THSD7A: variants seen among roughly 807,000 people sequenced by gnomAD.
THSD7A encodes thrombospondin type 1 domain containing 7A.
In THSD7A, 96 loss-of-function variants were observed where a neutral mutation model predicts 231.3. The observed-to-expected ratio is 0.41, with a 90% CI of 0.35 to 0.49. THSD7A has a LOEUF of 0.49. Among genes scored for constraint, THSD7A ranks in the 20% least tolerant of loss-of-function variants. The probability of loss-of-function intolerance (pLI) is 0.05; values close to 1 mark genes in which losing one functional copy is unlikely to be tolerated. For missense variants in THSD7A, 2,290 were observed against 2,070.2 expected (o/e 1.11, Z -2.06); for synonymous variants, 940 against 743.3 (o/e 1.26, Z -4.30).
intron 1 of THSD7A, among the ~76,000 whole-genome samples, chr7:11,684,650 A>G (rs1779970065): frequency 6.6e-6 from 1 of 152,004 alleles, no homozygotes; most frequent in African/African-American, 2.4e-5. Context: ...CATACAAAAA[A>G]TATCTAAAAA....
Position 11,375,689 on chromosome 7 carries a change from TTAAAA to T in THSD7A, c.*100_*104del. The T allele has an allele frequency of 1.1e-6, 1 of 951,858 alleles. No individual in the cohort carries two copies. The highest frequency in any genetic ancestry group is 1.6e-6 in the Non-Finnish European group (1 of 622,598). 59.0% of individuals were successfully genotyped at this position (951,858 alleles called of 1,614,324 possible). ...GTCTTTATGATGCCATTTTTAAAAA[TTAAAA>T]TATATTTTAATCCACACAGTTTGGA... is the stretch of plus-strand genomic sequence containing the variant. On this transcript the variant is annotated 3_prime_UTR_variant, in exon 28 of 28. Coordinates refer to ENST00000423059, the MANE Select transcript of THSD7A (RefSeq NM_015204.3).
intron 4 of THSD7A, among the ~76,000 whole-genome samples, chr7:11,564,376 C>T (rs2128331165): frequency 6.6e-6 from 1 of 152,340 alleles, no homozygotes; most frequent in South Asian, 2.1e-4. Context: ...GCCCACCTTG[C>T]AGCTGGTCTG....
chr7:11,391,011 T>C (rs921754327), intron 23 of THSD7A, among the ~76,000 whole-genome samples: 4 of 152,198 alleles, frequency 2.6e-5, no homozygotes, highest in Non-Finnish European at 5.9e-5. Flanking sequence ...GCCAGAGCTC[T>C]CCTTTATGAA....
At chr7:11,505,486 A>G (rs1583866237) in intron 6 of THSD7A, among the ~76,000 whole-genome samples, 1 of 151,348 alleles carries the variant, frequency 6.6e-6, no homozygotes, top group Non-Finnish European at 1.5e-5. Context: ...AACAGAAGAC[A>G]AAAGAAAGAA....
rs1454651718 is a variant in THSD7A at position 11,446,460 on chromosome 7, C to T, written c.2801-136G>A. The T allele has an allele frequency of 2.3e-5, 24 of 1,038,364 alleles. No homozygotes were observed. The highest frequency in any genetic ancestry group is 3.3e-5 in the Non-Finnish European group (24 of 717,750). 64.3% of individuals were successfully genotyped at this position (1,038,364 alleles called of 1,614,324 possible). On this transcript the variant is annotated intron_variant, in intron 12 of 27. Transcript: ENST00000423059. The surrounding 1 kb of genome is among the most constrained non-coding windows in gnomAD (Gnocchi z 4.0). ...TTTAACAGTAGCCTATAAATCAATG[C>T]TATTTTCTCATTCCACAGTGTTTTC...
intron 1 of THSD7A, among the ~76,000 whole-genome samples, chr7:11,672,679 G>A (rs1021940995): frequency 1.3e-5 from 2 of 152,002 alleles, no homozygotes; most frequent in African/African-American, 4.8e-5. Context: ...CTTTTTGGGA[G>A]CATTTGAATC....
intron 14 of THSD7A, 92 bp downstream of exon 14, chr7:11,428,855 A>G: frequency 7.0e-7 from 1 of 1,430,984 alleles, no homozygotes; most frequent in Non-Finnish European, 9.5e-7. Flanking sequence ...TTTTTATTCA[A>G]TAGCTATTAT....
intron 1 of THSD7A, among the ~76,000 whole-genome samples, chr7:11,719,284 G>A (rs1449613841): frequency 6.6e-6 from 1 of 151,550 alleles, no homozygotes; most frequent in African/African-American, 2.4e-5. Flanking sequence ...CGCCCTTGGA[G>A]TTCTCTCAGG....
chr7:11,769,640 T>G (rs1210168713), intron 1 of THSD7A, among the ~76,000 whole-genome samples: 11 of 152,246 alleles, frequency 7.2e-5, no homozygotes, highest in Non-Finnish European at 2.9e-5. Flanking sequence ...CCCATGTAAT[T>G]TTGTCTCACC....
chr7:11,471,279 A>G (rs1785927812), intron 8 of THSD7A, among the ~76,000 whole-genome samples: 1 of 152,058 alleles, frequency 6.6e-6, no homozygotes, highest in South Asian at 2.1e-4. Flanking sequence ...TTGCTAAAAT[A>G]AATTGGCAGA....
At chr7:11,763,662 GT>G (rs1221268096) in intron 1 of THSD7A, among the ~76,000 whole-genome samples, 4 of 151,952 alleles carry the variant, frequency 2.6e-5, no homozygotes, top group South Asian at 4.2e-4. Context: ...AATTAGGTTA[GT>G]TTTTTTAATC....
chr7:11,786,165 A>T (rs1170921658), intron 1 of THSD7A, among the ~76,000 whole-genome samples: 2 of 150,948 alleles, frequency 1.3e-5, no homozygotes, highest in African/African-American at 5.0e-5. Context: ...CTTTATAGTA[A>T]CTGCTCTCCC....
chr7:11,749,395 G>T (rs1288576763), intron 1 of THSD7A, among the ~76,000 whole-genome samples: 1 of 151,936 alleles, frequency 6.6e-6, no homozygotes, highest in Non-Finnish European at 1.5e-5. Flanking sequence ...TGCAAGGTAA[G>T]CTTCTATCAT....
intron 2 of THSD7A, among the ~76,000 whole-genome samples, chr7:11,625,280 C>CA: frequency 6.6e-6 from 1 of 152,058 alleles, no homozygotes; most frequent in South Asian, 2.1e-4. Context: ...TTTTATTTTT[C>CA]AAAAACTTGC....
intron 1 of THSD7A, among the ~76,000 whole-genome samples, chr7:11,793,659 G>T (rs55668447): frequency 1.3e-5 from 2 of 151,546 alleles, no homozygotes; most frequent in Non-Finnish European, 1.5e-5. Flanking sequence ...GAAATAAGAA[G>T]ATACTTTTTA....
At position 11,407,014 on chromosome 7, in the gene THSD7A, C is replaced by A. The variant is rs1314211557; in HGVS notation, c.3958G>T (p.Gly1320Cys). The A allele has an allele frequency of 6.2e-7, 1 of 1,613,832 alleles. No individual in the cohort carries two copies. The highest frequency in any genetic ancestry group is 8.5e-7 in the Non-Finnish European group (1 of 1,179,842). ...RRRTVTQPFQ[G>C]DGRPCPSLMD... ...AGGGAAGGGCATGGTCTTCCATCAC[C>A]TTGAAAGGGCTGGGTCACTGTTCGT... is the stretch of plus-strand genomic sequence containing the variant. Residue 1320 changes from glycine to cysteine, a missense_variant, in exon 21 of 28, where the codon GGT becomes TGT. By Grantham distance (159) the Gly-to-Cys change is radical. Coordinates refer to ENST00000423059, the MANE Select transcript of THSD7A (RefSeq NM_015204.3).
intron 1 of THSD7A, among the ~76,000 whole-genome samples, chr7:11,780,133 T>G (rs1376877609): frequency 6.6e-6 from 1 of 152,348 alleles, no homozygotes; most frequent in African/African-American, 2.4e-5. Context: ...TATCCTCACA[T>G]GGCAGAGAAC....
intron 4 of THSD7A, among the ~76,000 whole-genome samples, chr7:11,557,871 A>T (rs1789914744): frequency 6.6e-6 from 1 of 152,096 alleles, no homozygotes; most frequent in South Asian, 2.1e-4. Flanking sequence ...GGGAGTGTTG[A>T]GCGACTCATT....
chr7:11,793,969 A>G (rs1376698631), intron 1 of THSD7A, among the ~76,000 whole-genome samples: 2 of 151,918 alleles, frequency 1.3e-5, no homozygotes, highest in Non-Finnish European at 2.9e-5. Context: ...AAAGTTTTGG[A>G]AACTAGGGAA....
Sources: gnomAD v4.1 joint callset for allele counts (sites outside exome capture counted in the v4.1 genomes callset) on GRCh38, gnomAD v4.1.1 for gene constraint, Gnocchi (gnomAD v3.1) non-coding constraint, MANE v1.5 for transcripts, NCBI Gene and HGNC (gene_info 2026-07-23, HGNC 2026-07-21) for gene names.